Variants in POLB observed in about 807,000 individuals in gnomAD.
POLB encodes 5'-dRP lyase.
In POLB, 37 loss-of-function variants were observed where a neutral mutation model predicts 52.7. That is an observed-to-expected ratio of 0.70 (90% CI 0.54 to 0.92). The LOEUF (loss-of-function observed/expected upper bound fraction) is 0.92. POLB is among the 40% of genes least tolerant of loss of function. The pLI, the probability that POLB is intolerant of heterozygous loss-of-function variation, is 0.00. For synonymous variants in POLB, 138 were observed against 131.3 expected, an observed-to-expected ratio of 1.05 and a Z score of -0.35; for missense variants, 313 against 400.8, an observed-to-expected ratio of 0.78 and a Z score of 1.87.
In POLB at chr8:42,357,338, G is replaced by A; in HGVS notation, c.496G>A (p.Val166Ile). The A allele has an allele frequency of 6.4e-7, 1 of 1,572,858 alleles. No individual in the cohort carries two copies. The highest frequency in any genetic ancestry group is 8.7e-7 in the Non-Finnish European group (1 of 1,142,928). Residue 166 changes from valine to isoleucine, a missense_variant, in exon 9 of 14, where the codon GTT becomes ATT. Around this residue, in one of 3 missense-constraint regions of POLB, gnomAD observed 246 missense variants for 297.6 expected, o/e 0.83. Coordinates refer to ENST00000265421, the MANE Select transcript of POLB (RefSeq NM_002690.3). Reference sequence around the variant, plus strand: ...CTATTAGGATATTGTACTAAATGAAGTTAAAAAAGTGGATTCTGAATACAT... The same window carrying A: ...CTATTAGGATATTGTACTAAATGAAATTAAAAAAGTGGATTCTGAATACAT... ...LQMQDIVLNE[V>I]KKVDSEYIAT...
At chr8:42,361,506 C>A in intron 10 of POLB, 141 bp downstream of exon 10, 1 of 641,086 alleles carries the variant, frequency 1.6e-6, no homozygotes, top group Non-Finnish European at 2.8e-6. Context: ...TGATTGAATT[C>A]TGCGAAAGGC....
intron 9 of POLB, 137 bp from the exon 10 acceptor site, chr8:42,361,158 T>G: frequency 1.4e-6 from 1 of 718,926 alleles, no homozygotes; most frequent in Non-Finnish European, 2.5e-6. Context: ...TTTTAACTAA[T>G]TCTAACTATG....
rs751312733 is a variant in POLB at position 42,338,535 on chromosome 8, C to T, written c.-90C>T. ...CGCCGGAGCTGGGTTGCTCCTGCTC[C>T]CGTCTCCAAGTCCTGGTACCTCCTT... On this transcript the variant is annotated 5_prime_UTR_variant, in exon 1 of 14. Transcript: ENST00000265421. 2.5e-6 allele frequency: 3 copies of T among 1,185,274 alleles called. No individual in the cohort carries two copies. Among genetic ancestry groups the T allele is most frequent in the Non-Finnish European group, 2.5e-6 (2 of 791,900 alleles). 73.4% of individuals were successfully genotyped at this position (1,185,274 alleles called of 1,614,324 possible). A position where few individuals can be genotyped will look rare whatever the true frequency, so the allele number is the denominator to read the frequency against.
chr8:42,356,628 G>A (rs1268235441), intron 7 of POLB, among the ~76,000 whole-genome samples: 2 of 151,316 alleles, frequency 1.3e-5, no homozygotes, highest in Non-Finnish European at 2.9e-5. Context: ...TCAGACCTAG[G>A]CAGCTGCTCA....
intron 2 of POLB, among the ~76,000 whole-genome samples, chr8:42,340,631 A>G (rs994655412): frequency 6.6e-6 from 1 of 152,186 alleles, no homozygotes; most frequent in Admixed American, 6.5e-5. Flanking sequence ...TTCCCTGGCA[A>G]TCTTGCCATT....
chr8:42,362,103 A>C (rs763840094), intron 10 of POLB, among the ~76,000 whole-genome samples: 1 of 152,096 alleles, frequency 6.6e-6, no homozygotes, highest in Non-Finnish European at 1.5e-5. Flanking sequence ...TCCACTAAAA[A>C]TACAAAATTA....
rs536156774 is a variant in POLB at position 42,371,075 on chromosome 8, C to T, written c.914-488C>T. 1.3e-4 allele frequency among the ~76,000 whole-genome samples: 20 copies of T among 152,296 alleles called. No homozygotes were observed. In the East Asian group the frequency reaches 3.9e-3, roughly 29 times the overall value. On this transcript the variant is annotated intron_variant, in intron 13 of 13. Transcript: ENST00000265421. ...CAGGTTCCCTTTGTGGCACTGATGA[C>T]TCACGAGATGAAGCTCCAGCACAGC...
At chr8:42,362,743 A>G in intron 11 of POLB, 45 bp downstream of exon 11, 1 of 1,003,434 alleles carries the variant, frequency 1.0e-6, no homozygotes, top group Non-Finnish European at 1.6e-6. Context: ...AAACTTGGAG[A>G]CTGTTCAGTA....
At chr8:42,360,930 A>C (rs982407506) in intron 9 of POLB, among the ~76,000 whole-genome samples, 1 of 152,152 alleles carries the variant, frequency 6.6e-6, no homozygotes, top group Admixed American at 6.5e-5. Flanking sequence ...TATATTGTTT[A>C]ATTTGAGATT....
At chr8:42,362,197 T>C (rs898254894) in intron 10 of POLB, among the ~76,000 whole-genome samples, 3 of 151,742 alleles carry the variant, frequency 2.0e-5, no homozygotes, top group East Asian at 1.9e-4. Flanking sequence ...GAGGCAAAGG[T>C]TGCAGTGAGC....
Position 42,338,599 on chromosome 8 carries a change from T to C in POLB, c.-26T>C. On this transcript the variant is annotated 5_prime_UTR_variant, in exon 1 of 14. Coordinates refer to ENST00000265421, the MANE Select transcript of POLB (RefSeq NM_002690.3). ...GGCTCTAGTCCCTGGTTCTGAACAC[T>C]CTGGGGTTCTCGGGTGCAGGCCGCC... 1 of 1,610,432 alleles carries C rather than the reference T, an allele frequency of 6.2e-7. No individual in the cohort carries two copies. The highest frequency in any genetic ancestry group is 8.5e-7 in the Non-Finnish European group (1 of 1,176,692).
At chr8:42,363,345 G>A (rs767782589) in intron 11 of POLB, among the ~76,000 whole-genome samples, 60 of 151,342 alleles carry the variant, frequency 4.0e-4, no homozygotes, top group Non-Finnish European at 7.7e-4. Flanking sequence ...TGGCCAACAC[G>A]GTGAAACTCC....
At chr8:42,343,369 T>TATAAAC (rs761101423) in intron 2 of POLB, among the ~76,000 whole-genome samples, 1 of 36,320 alleles carries the variant, frequency 2.8e-5, no homozygotes, top group Non-Finnish European at 7.4e-5. Context: ...TATATATATA[T>TATAAAC]ACACAAAATT....
intron 11 of POLB, 164 bp from the exon 12 acceptor site, chr8:42,369,107 A>G: frequency 2.1e-6 from 1 of 479,566 alleles, no homozygotes; most frequent in Middle Eastern, 5.4e-4. Context: ...AGTGTAATAG[A>G]AAGGTAGGGA....
chr8:42,342,149 A>T, intron 2 of POLB: 5 of 1,517,500 alleles, frequency 3.3e-6, no homozygotes, highest in Non-Finnish European at 4.5e-6. Flanking sequence ...GCCTCCATCC[A>T]GGTCACCAAA....
intron 11 of POLB, among the ~76,000 whole-genome samples, chr8:42,363,539 AAAAAAAAAAAAAAAAAAG>A (rs1823854087): frequency 6.7e-6 from 1 of 150,082 alleles, no homozygotes; most frequent in South Asian, 2.1e-4. Context: ...AAAAAAAAAA[AAAAAAAAAAAAAAAAAAG>A]AATGGGTTAA....
At chr8:42,343,321 CAA>C (rs1157325948) in intron 2 of POLB, among the ~76,000 whole-genome samples, 3 of 2,818 alleles carry the variant, frequency 1.1e-3, no homozygotes, top group Non-Finnish European at 1.7e-3. Flanking sequence ...GACTGCGTCT[CAA>C]AAAAAAAAAA....
chr8:42,352,231 T>C (rs1363664053), intron 5 of POLB, among the ~76,000 whole-genome samples: 3 of 152,248 alleles, frequency 2.0e-5, no homozygotes, highest in African/African-American at 7.2e-5. Context: ...TGGCCCTCAG[T>C]AAATCTTAGT....
intron 2 of POLB, chr8:42,339,417 T>G: frequency 3.4e-6 from 1 of 291,448 alleles, no homozygotes; most frequent in East Asian, 9.4e-5. Flanking sequence ...ACATTTTTTC[T>G]TTTGGTTGGT....
Sources: gnomAD v4.1 joint callset for allele counts (sites outside exome capture counted in the v4.1 genomes callset) on GRCh38, gnomAD v4.1.1 for gene constraint, gnomAD v4.1.1 regional missense constraint, MANE v1.5 for transcripts, NCBI Gene and HGNC (gene_info 2026-07-23, HGNC 2026-07-21) for gene names.